The following SCIN variants were observed in gnomAD, a reference collection of about 807,000 sequenced individuals.
SCIN encodes adseverin.
Under a neutral mutation model 91.8 loss-of-function variants are expected in SCIN, and 91 were observed. The observed-to-expected ratio is 0.99, with a 90% CI of 0.84 to 1.18. The LOEUF is 1.18. Ranked by LOEUF, SCIN falls within the 50% of genes most tolerant of loss-of-function variation. SCIN has a pLI of 0.00. For synonymous variants in SCIN, 367 were observed against 312.6 expected (o/e 1.17, Z -1.84); for missense variants, 1,087 against 863.9 (o/e 1.26, Z -3.24).
chr7:12,604,103 C>T (rs765079942), intron 3 of SCIN, among the ~76,000 whole-genome samples: 10 of 152,044 alleles, frequency 6.6e-5, no homozygotes, highest in Admixed American at 3.9e-4. Context: ...ATACATGCAA[C>T]ATGTATTTGT....
intron 4 of SCIN, among the ~76,000 whole-genome samples, chr7:12,606,265 G>T (rs190547624): frequency 6.6e-6 from 1 of 152,038 alleles, no homozygotes; most frequent in Non-Finnish European, 1.5e-5. Flanking sequence ...GTGGTAGGTG[G>T]TATCTCTGAG....
Position 12,651,960 on chromosome 7 carries a change from T to A in SCIN, c.2020+59T>A. ...CCGGGCACCATTATGACCGAGTGTC[T>A]GGCTTGCTCTTTGCCACCATGTCTT... On this transcript the variant is annotated intron_variant, in intron 15 of 15. Transcript: ENST00000297029. The surrounding 1 kb of genome is among the most constrained non-coding windows in gnomAD (Gnocchi z 5.9). 8.5e-7 allele frequency: 1 copy of A among 1,170,236 alleles called. No homozygotes were observed. Among genetic ancestry groups the A allele is most frequent in the Non-Finnish European group, 1.2e-6 (1 of 808,346 alleles). The allele number at this position is 1,170,236 out of a possible 1,614,324, so 72.5% of individuals were successfully genotyped here.
chr7:12,626,767 A>C lies in SCIN; in HGVS notation c.1165A>C (p.Asn389His). Residue 389 changes from asparagine (N) to histidine (H), a missense_variant, in exon 8 of 16, where the codon AAT (asparagine) becomes CAT (histidine). Transcript: ENST00000297029. ...HSSPQMAAQH[N>H]MVDDGSGKVE... ...TTCTCCGCAGATGGCAGCCCAGCAC[A>C]ATATGGTGGATGATGGTTCTGGCAA... The C allele has an allele frequency of 6.2e-7, 1 of 1,610,604 alleles. No homozygotes were observed. Among genetic ancestry groups the C allele is most frequent in the Non-Finnish European group, 8.5e-7 (1 of 1,178,418 alleles).
intron 11 of SCIN, among the ~76,000 whole-genome samples, chr7:12,641,081 C>T (rs1426403626): frequency 6.6e-6 from 1 of 152,130 alleles, no homozygotes; most frequent in Non-Finnish European, 1.5e-5. Context: ...TAAGTGCTTT[C>T]ACCTTAGGAC....
chr7:12,616,475 A>G (rs1562617314), intron 4 of SCIN, among the ~76,000 whole-genome samples: 1 of 152,138 alleles, frequency 6.6e-6, no homozygotes, highest in African/African-American at 2.4e-5. Flanking sequence ...CTACCTTGAT[A>G]TTGGACTTCA....
At chr7:12,603,507 T>C (rs1188298838) in intron 3 of SCIN, among the ~76,000 whole-genome samples, 1 of 152,048 alleles carries the variant, frequency 6.6e-6, no homozygotes, top group Admixed American at 6.5e-5. Flanking sequence ...ACCACCCAAA[T>C]AGTGGGTGAT....
At chr7:12,621,651 T>G (rs1286892607) in intron 4 of SCIN, among the ~76,000 whole-genome samples, 2 of 150,554 alleles carry the variant, frequency 1.3e-5, no homozygotes, top group Non-Finnish European at 3.0e-5. Context: ...TTTTTTTTTT[T>G]TTTTTTGCTT....
At chr7:12,619,013 C>G in intron 4 of SCIN, among the ~76,000 whole-genome samples, 1 of 152,034 alleles carries the variant, frequency 6.6e-6, no homozygotes, top group East Asian at 1.9e-4. Flanking sequence ...AGGCAAAACT[C>G]CTAACTTCCT....
At chr7:12,579,359 G>C (rs1782442440) in intron 2 of SCIN, among the ~76,000 whole-genome samples, 1 of 152,038 alleles carries the variant, frequency 6.6e-6, no homozygotes, top group Non-Finnish European at 1.5e-5. Context: ...CATTTTATTT[G>C]ATTCACAGGA....
At chr7:12,608,269 C>G (rs935686621) in intron 4 of SCIN, among the ~76,000 whole-genome samples, 1 of 151,538 alleles carries the variant, frequency 6.6e-6, no homozygotes, top group Non-Finnish European at 1.5e-5. Context: ...TAGAAGGGAA[C>G]TAATAGGTTT....
intron 4 of SCIN, among the ~76,000 whole-genome samples, chr7:12,613,067 G>T (rs981244754): frequency 2.6e-5 from 4 of 152,128 alleles, no homozygotes; most frequent in African/African-American, 9.7e-5. Flanking sequence ...TTAATGGGTA[G>T]GACAGGGGAG....
rs1462282157 is a variant in SCIN, at chr7:12,657,553, TATATATATATATATA to T, written c.*4839_*4853del. 4 of 19,942 alleles carry T rather than the reference TATATATATATATATA, an allele frequency of 2.0e-4. No individual in the cohort carries two copies. The highest frequency in any genetic ancestry group is 2.4e-4 in the Non-Finnish European group (2 of 8,294). The allele number at this position is 19,942 out of a possible 1,614,324, so 1.2% of individuals were successfully genotyped here. On this transcript the variant is annotated 3_prime_UTR_variant, in exon 16 of 16. Coordinates refer to ENST00000297029, the MANE Select transcript of SCIN (RefSeq NM_001112706.3). ...ATATGTGTGTGTATATATATATATA[TATATATATATATATA>T]TATATTTTTTTTTTTTTTTTTTTTT...
rs150110459 is a variant in SCIN, at chr7:12,653,540, A to T, written c.*825A>T. The T allele has an allele frequency of 6.3e-4, 96 of 152,322 alleles. No individual in the cohort carries two copies. The highest frequency in any genetic ancestry group is 2.2e-3 in the African/African-American group (90 of 41,576). 9.4% of individuals were successfully genotyped at this position (152,322 alleles called of 1,614,324 possible). ...ATGACTTTGATGTCATTAACTGCTAAGTGTTATTTTCTAAGAGGAATTTTA... is the reference window on the plus strand; with the variant it reads ...ATGACTTTGATGTCATTAACTGCTATGTGTTATTTTCTAAGAGGAATTTTA... On this transcript the variant is annotated 3_prime_UTR_variant, in exon 16 of 16. Transcript: ENST00000297029. This position sits in a 1 kb window ranked among gnomAD's most constrained non-coding sequence, Gnocchi z 4.1.
Position 12,657,364 on chromosome 7 carries a change from G to C in SCIN, c.*4649G>C, listed in dbSNP as rs1291437276. 1 of 149,302 alleles carries C rather than the reference G, an allele frequency of 6.7e-6. No homozygotes were observed. The highest frequency in any genetic ancestry group is 2.4e-5 in the African/African-American group (1 of 40,890). 9.2% of individuals were successfully genotyped at this position (149,302 alleles called of 1,614,324 possible). A position where few individuals can be genotyped will look rare whatever the true frequency, so the allele number is the denominator to read the frequency against. ...CCCCAGGAGCTGGGACTCTAGGTGC[G>C]TGCCACCACGCCCAGCTAATTCTTT... On this transcript the variant is annotated 3_prime_UTR_variant, in exon 16 of 16. Coordinates refer to ENST00000297029, the MANE Select transcript of SCIN (RefSeq NM_001112706.3).
rs1583329789 is a variant in SCIN at position 12,656,514 on chromosome 7, G to A, written c.*3799G>A. ...GAATTTAAAAGCCTACAAATGCCCCGCATATGTAGAATTATCATTCATTCC... is the reference window on the plus strand; with the variant it reads ...GAATTTAAAAGCCTACAAATGCCCCACATATGTAGAATTATCATTCATTCC... On this transcript the variant is annotated 3_prime_UTR_variant, in exon 16 of 16. Transcript: ENST00000297029. 1 of 151,926 alleles carries A rather than the reference G, an allele frequency of 6.6e-6. No individual in the cohort carries two copies. The highest frequency in any genetic ancestry group is 1.5e-5 in the Non-Finnish European group (1 of 68,010). The allele number at this position is 151,926 out of a possible 1,614,324, so 9.4% of individuals were successfully genotyped here.
At chr7:12,578,670 T>C (rs1325619677) in intron 2 of SCIN, among the ~76,000 whole-genome samples, 3 of 152,012 alleles carry the variant, frequency 2.0e-5, no homozygotes, top group African/African-American at 7.2e-5. Context: ...ATAATAATTA[T>C]AATTTTAGTA....
chr7:12,578,292 A>C (rs1186360649), intron 2 of SCIN, 74 bp downstream of exon 2: 52 of 1,362,764 alleles, frequency 3.8e-5, no homozygotes, highest in Non-Finnish European at 5.0e-5. Context: ...TCTTCATAGA[A>C]TGACAGTTCG....
chr7:12,630,409 C>G (rs1363530313), intron 9 of SCIN, among the ~76,000 whole-genome samples: 2 of 152,228 alleles, frequency 1.3e-5, no homozygotes, highest in African/African-American at 2.4e-5. Context: ...GTTTAGAACA[C>G]TGACTGCATA....
chr7:12,587,098 A>G (rs2115221426), intron 3 of SCIN, among the ~76,000 whole-genome samples: 1 of 152,340 alleles, frequency 6.6e-6, no homozygotes, highest in East Asian at 1.9e-4. Context: ...TGTTCCCAGT[A>G]CAAATAAGTG....
Sources: gnomAD v4.1 joint callset for allele counts (sites outside exome capture counted in the v4.1 genomes callset) on GRCh38, gnomAD v4.1.1 for gene constraint, Gnocchi (gnomAD v3.1) non-coding constraint, MANE v1.5 for transcripts, NCBI Gene and HGNC (gene_info 2026-07-23, HGNC 2026-07-21) for gene names.